The following PCYT1B variants were observed in gnomAD, a reference collection of about 807,000 sequenced individuals.
PCYT1B encodes the protein choline-phosphate cytidylyltransferase B.
PCYT1B carries 10 observed loss-of-function variants against 26.4 expected under a neutral mutation model. The ratio of observed to expected loss-of-function variants is 0.38; its 90% CI spans 0.23 to 0.64. PCYT1B has a LOEUF of 0.64. Ranked by LOEUF, PCYT1B falls within the 30% of genes least tolerant of loss-of-function variation. The pLI, the probability that PCYT1B is intolerant of heterozygous loss-of-function variation, is 0.56. For synonymous variants in PCYT1B, 131 were observed against 108.4 expected (o/e 1.21, Z -1.29); for missense variants, 161 against 292.7 (o/e 0.55, Z 3.28).
chrX:24,603,326 G>A (rs998575557), intron 3 of PCYT1B, among the ~76,000 whole-genome samples: 3 of 112,117 alleles, frequency 2.7e-5, no homozygotes, highest in African/African-American at 9.7e-5. Context: ...CAGTGGGCAG[G>A]GGCCAATGAA....
intron 1 of PCYT1B, among the ~76,000 whole-genome samples, chrX:24,670,060 GAAAGAAAGAA>G (rs1927210138): frequency 4.0e-5 from 2 of 49,750 alleles, no homozygotes; most frequent in Admixed American, 5.4e-4. Context: ...AAGAAAGAAA[GAAAGAAAGAA>G]AGAAAGAAAG....
chrX:24,656,551 CTTTTTTT>C (rs1179469896), intron 1 of PCYT1B, among the ~76,000 whole-genome samples: 2 of 56,637 alleles, frequency 3.5e-5, no homozygotes, highest in Non-Finnish European at 6.0e-5. Context: ...TCTTTTTTTC[CTTTTTTT>C]TTTTTTTTTT....
intron 1 of PCYT1B, among the ~76,000 whole-genome samples, chrX:24,638,643 A>G (rs1294342541): frequency 1.8e-5 from 2 of 111,051 alleles, no homozygotes; most frequent in Non-Finnish European, 3.8e-5. Context: ...ATTTTCCTGC[A>G]TTTATTTCCC....
chrX:24,558,985 C>G lies in PCYT1B; in HGVS notation c.*3308G>C, dbSNP rs1018474109. On this transcript the variant is annotated 3_prime_UTR_variant, in exon 8 of 8. Coordinates refer to ENST00000379144, the MANE Select transcript of PCYT1B (RefSeq NM_004845.5). ...GGTTGTGCGTAAAAGGAACCCTTCC[C>G]TCTTCACCTGTCAGGGGGTGAGTTA... 8.9e-6 allele frequency: 1 copy of G among 111,901 alleles called. No individual in the cohort carries two copies. Among genetic ancestry groups the G allele is most frequent in the Non-Finnish European group, 1.9e-5 (1 of 53,175 alleles). The allele number at this position is 111,901 out of a possible 1,213,427, so 9.2% of individuals were successfully genotyped here.
chrX:24,579,205 G>C (rs1224133460), intron 6 of PCYT1B, 111 bp downstream of exon 6: 3 of 643,238 alleles, frequency 4.7e-6, no homozygotes, highest in Non-Finnish European at 6.9e-6. Context: ...AAAAAAGAGA[G>C]AGAGAGAGGG....
upstream of PCYT1B, among the ~76,000 whole-genome samples, chrX:24,650,401 C>CCT (rs1053593879): frequency 1.1e-4 from 11 of 104,271 alleles, no homozygotes; most frequent in Non-Finnish European, 2.1e-4. Context: ...CTCACTGCAA[C>CCT]CTCTGTCTCC....
intron 3 of PCYT1B, among the ~76,000 whole-genome samples, chrX:24,601,595 A>C (rs1194909249): frequency 9.0e-6 from 1 of 110,997 alleles, no homozygotes; most frequent in African/African-American, 3.3e-5. Flanking sequence ...TCTAAAACTC[A>C]ACAATAAGAA....
At chrX:24,586,139 G>A (rs1303970403) in intron 5 of PCYT1B, among the ~76,000 whole-genome samples, 2 of 112,297 alleles carry the variant, frequency 1.8e-5, no homozygotes, top group African/African-American at 6.5e-5. Context: ...ATTTATGTCT[G>A]TCTCTGCTCT....
At chrX:24,614,397 G>C (rs1925417306) in intron 2 of PCYT1B, among the ~76,000 whole-genome samples, 2 of 111,366 alleles carry the variant, frequency 1.8e-5, no homozygotes, top group African/African-American at 3.3e-5. Context: ...AGAGAGTCCA[G>C]TTATAGCTAT....
At chrX:24,568,588 T>C (rs1923712576) in intron 7 of PCYT1B, among the ~76,000 whole-genome samples, 1 of 110,784 alleles carries the variant, frequency 9.0e-6, no homozygotes, top group African/African-American at 3.3e-5. Context: ...TATGAACCAA[T>C]GTAATCCTCG....
intron 1 of PCYT1B, among the ~76,000 whole-genome samples, chrX:24,637,983 G>A (rs756374893): frequency 9.1e-6 from 1 of 110,489 alleles, no homozygotes; most frequent in African/African-American, 3.3e-5. Context: ...TCAATATTAG[G>A]CACACCAGAG....
In PCYT1B at chrX:24,592,591, T is replaced by C. The variant is rs556422628; in HGVS notation, c.335-2417A>G. The stretch of plus-strand genomic sequence containing the variant: ...ATCTCCTGATTCCAGCCTTGCCCAC[T>C]CCCAACAACCTATTCTCATTGGCCA... On this transcript the variant is annotated intron_variant, in intron 3 of 7. Coordinates refer to ENST00000379144, the MANE Select transcript of PCYT1B (RefSeq NM_004845.5). Among the ~76,000 whole-genome samples, 3 of 111,050 alleles carry C rather than the reference T, an allele frequency of 2.7e-5. No individual in the cohort carries two copies. The South Asian group carries it at 1.2e-3, about 43-fold the overall frequency.
At chrX:24,594,212 A>G (rs1387843356) in intron 3 of PCYT1B, among the ~76,000 whole-genome samples, 2 of 110,794 alleles carry the variant, frequency 1.8e-5, no homozygotes, top group Non-Finnish European at 1.9e-5. Flanking sequence ...TCTTTAAATC[A>G]CCCATTATGC....
At chrX:24,586,355 G>A (rs1014487298) in intron 5 of PCYT1B, among the ~76,000 whole-genome samples, 1 of 112,768 alleles carries the variant, frequency 8.9e-6, no homozygotes, top group Non-Finnish European at 1.9e-5. Context: ...CCAAGAAGGA[G>A]ATAGGAGCCT....
chrX:24,661,193 A>G (rs914423245), intron 1 of PCYT1B, among the ~76,000 whole-genome samples: 2 of 112,197 alleles, frequency 1.8e-5, no homozygotes, highest in Non-Finnish European at 3.8e-5. Flanking sequence ...TCATAATACT[A>G]TCAAAAGTAA....
intron 5 of PCYT1B, 52 bp downstream of exon 5, chrX:24,587,189 G>T: frequency 1.2e-6 from 1 of 848,419 alleles, no homozygotes; most frequent in Non-Finnish European, 1.8e-6. Context: ...GTCTCTTATT[G>T]CACCTGATTA....
At position 24,619,232 on chromosome X, in the gene PCYT1B, G is replaced by A. The variant is rs61760947; in HGVS notation, c.118-148C>T. 2.7e-3 allele frequency: 1,240 copies of A among 459,276 alleles called. 11 individuals carry two copies. Among genetic ancestry groups the A allele is most frequent in the African/African-American group, 0.027 (1,103 of 41,608 alleles). The allele number at this position is 459,276 out of a possible 1,213,427, so 37.8% of individuals were successfully genotyped here. On this transcript the variant is annotated intron_variant, in intron 1 of 7. Coordinates refer to ENST00000379144, the MANE Select transcript of PCYT1B (RefSeq NM_004845.5). ...GTCTCAGAGAAATACTGTACTGTTA[G>A]ACATAAAAATAGGGCATCATCACTG...
chrX:24,568,621 T>A (rs1923714254), intron 7 of PCYT1B, among the ~76,000 whole-genome samples: 1 of 111,497 alleles, frequency 9.0e-6, no homozygotes, highest in South Asian at 3.8e-4. Context: ...GTGGCAGCTA[T>A]GCTTACTTTC....
At chrX:24,568,881 G>A (rs1054154093) in intron 7 of PCYT1B, among the ~76,000 whole-genome samples, 3 of 111,379 alleles carry the variant, frequency 2.7e-5, no homozygotes, top group African/African-American at 9.8e-5. Flanking sequence ...GATCACTTGA[G>A]GTCAGGTCAG....
Sources: gnomAD v4.1 joint callset for allele counts (sites outside exome capture counted in the v4.1 genomes callset) on GRCh38, gnomAD v4.1.1 for gene constraint, MANE v1.5 for transcripts, NCBI Gene and HGNC (gene_info 2026-07-23, HGNC 2026-07-21) for gene names.